Variants in TAFA2 observed in about 807,000 individuals in gnomAD.
TAFA2 encodes the protein chemokine-like protein TAFA-2.
A neutral mutation model predicts 18.8 loss-of-function variants in TAFA2; 7 were observed. The ratio of observed to expected loss-of-function variants is 0.37; its 90% CI spans 0.21 to 0.70. The LOEUF (loss-of-function observed/expected upper bound fraction) is 0.70, where lower values mean the gene tolerates loss of function less well. TAFA2 is among the 30% of genes least tolerant of loss of function. The pLI, the probability that TAFA2 is intolerant of heterozygous loss-of-function variation, is 0.53. For missense variants in TAFA2, 122 were observed against 158.1 expected (o/e 0.77, Z 1.23); for synonymous variants, 60 against 54.2 (o/e 1.11, Z -0.47).
At chr12:62,035,269 G>A (rs1440984910) in intron 1 of TAFA2, among the ~76,000 whole-genome samples, 2 of 152,204 alleles carry the variant, frequency 1.3e-5, no homozygotes, top group Non-Finnish European at 2.9e-5. Context: ...GAACCACAGT[G>A]AATAGGACCT....
chr12:61,886,409 C>G (rs867160887), intron 1 of TAFA2, among the ~76,000 whole-genome samples: 1 of 152,166 alleles, frequency 6.6e-6, no homozygotes, highest in Non-Finnish European at 1.5e-5. Context: ...AATGCTGCTC[C>G]TGAAACTTAG....
chr12:62,134,603 A>G (rs776517233), intron 1 of TAFA2, among the ~76,000 whole-genome samples: 9 of 152,054 alleles, frequency 5.9e-5, no homozygotes, highest in East Asian at 3.9e-4. Flanking sequence ...ATAGATATCA[A>G]TAGCACTTGT....
At position 62,067,194 on chromosome 12, in the gene TAFA2, T is replaced by C. The variant is rs149653204; in HGVS notation, c.-2+124065A>G. On this transcript the variant is annotated intron_variant, in intron 1 of 4. Transcript: ENST00000416284. ...TTTTCCTATAGAGTTGTTTGAGCTA[T>C]TTATGTATTCTGGTTATTAATCCCT... 1.4e-3 allele frequency among the ~76,000 whole-genome samples: 218 copies of C among 152,080 alleles called. 1 individual carries two copies. The East Asian group carries it at 0.039, about 27-fold the overall frequency.
At chr12:61,765,644 C>T (rs528680128) in intron 2 of TAFA2, among the ~76,000 whole-genome samples, 1 of 152,028 alleles carries the variant, frequency 6.6e-6, no homozygotes, top group South Asian at 2.1e-4. Context: ...TGTGATATTA[C>T]CTACCATTAA....
intron 1 of TAFA2, among the ~76,000 whole-genome samples, chr12:62,157,399 A>T (rs17125956): frequency 0.01 from 1,547 of 152,330 alleles, 24 homozygotes; most frequent in African/African-American, 0.036. Context: ...ATTGAATACC[A>T]AAGCACACAT....
At chr12:62,090,754 A>G (rs1394567623) in intron 1 of TAFA2, among the ~76,000 whole-genome samples, 1 of 152,060 alleles carries the variant, frequency 6.6e-6, no homozygotes, top group Non-Finnish European at 1.5e-5. Flanking sequence ...TTCATTTTCC[A>G]TGGAAAATAT....
intron 1 of TAFA2, among the ~76,000 whole-genome samples, chr12:62,099,341 C>G (rs2136846371): frequency 6.6e-6 from 1 of 152,242 alleles, no homozygotes; most frequent in Non-Finnish European, 1.5e-5. Flanking sequence ...AAAATGTGAT[C>G]AGTCTTCTTA....
At chr12:61,989,378 C>T (rs962384609) in intron 1 of TAFA2, among the ~76,000 whole-genome samples, 1 of 151,150 alleles carries the variant, frequency 6.6e-6, no homozygotes, top group South Asian at 2.1e-4. Flanking sequence ...CTGGTCCCCC[C>T]CACTTACTCC....
At chr12:61,806,967 T>A (rs1418258211) in intron 2 of TAFA2, among the ~76,000 whole-genome samples, 1 of 152,206 alleles carries the variant, frequency 6.6e-6, no homozygotes, top group Non-Finnish European at 1.5e-5. Flanking sequence ...GCAAAATTTG[T>A]AGCCTGATAA....
intron 1 of TAFA2, among the ~76,000 whole-genome samples, chr12:62,014,397 G>A (rs962911685): frequency 6.6e-6 from 1 of 152,196 alleles, no homozygotes; most frequent in Non-Finnish European, 1.5e-5. Context: ...GGGAGGCCAA[G>A]GCGGGCGAAT....
intron 1 of TAFA2, among the ~76,000 whole-genome samples, chr12:61,981,217 C>T (rs1054533223): frequency 6.6e-6 from 1 of 152,134 alleles, no homozygotes; most frequent in East Asian, 1.9e-4. Flanking sequence ...GGAAAGGATT[C>T]CCTATTTAAT....
At chr12:62,259,907 C>T (rs184133130), upstream of TAFA2, 425 of 162,754 alleles carry the variant, frequency 2.6e-3, no homozygotes, top group African/African-American at 9.5e-3. Context: ...ATTCACCGAG[C>T]TTGGGTTCTC....
chr12:62,187,623 G>C (rs2062595277), intron 1 of TAFA2, among the ~76,000 whole-genome samples: 1 of 152,118 alleles, frequency 6.6e-6, no homozygotes, highest in Admixed American at 6.6e-5. Flanking sequence ...TAAAATTTCT[G>C]TAAGATTAAG....
At chr12:61,782,672 C>T (rs1411727172) in intron 2 of TAFA2, among the ~76,000 whole-genome samples, 1 of 151,676 alleles carries the variant, frequency 6.6e-6, no homozygotes, top group Non-Finnish European at 1.5e-5. Context: ...CAGAGTTTGA[C>T]TCTTTTCATT....
chr12:62,080,745 A>T (rs1283587410), intron 1 of TAFA2, among the ~76,000 whole-genome samples: 1 of 152,202 alleles, frequency 6.6e-6, no homozygotes, highest in Non-Finnish European at 1.5e-5. Context: ...TCATAAATAA[A>T]ATATTTATAT....
chr12:61,866,518 T>C (rs1874362165), intron 2 of TAFA2, among the ~76,000 whole-genome samples: 1 of 152,200 alleles, frequency 6.6e-6, no homozygotes, highest in Non-Finnish European at 1.5e-5. Context: ...TCTCAGGTTA[T>C]GAATACTTAA....
At chr12:62,007,642 C>A (rs1347236514) in intron 1 of TAFA2, among the ~76,000 whole-genome samples, 1 of 152,072 alleles carries the variant, frequency 6.6e-6, no homozygotes, top group Non-Finnish European at 1.5e-5. Flanking sequence ...AAAACAGACC[C>A]CATCTTCTTT....
chr12:61,717,172 T>A (rs1000131131), intron 4 of TAFA2, among the ~76,000 whole-genome samples: 15 of 152,070 alleles, frequency 9.9e-5, no homozygotes, highest in African/African-American at 3.6e-4. Context: ...TCATTTAAGC[T>A]TGAGAAAAGC....
At chr12:62,141,996 C>T (rs1261111165) in intron 1 of TAFA2, among the ~76,000 whole-genome samples, 1 of 152,154 alleles carries the variant, frequency 6.6e-6, no homozygotes, top group East Asian at 1.9e-4. Flanking sequence ...GTATTGAGTG[C>T]CCACTAATGC....
Sources: gnomAD v4.1 joint callset for allele counts (sites outside exome capture counted in the v4.1 genomes callset) on GRCh38, gnomAD v4.1.1 for gene constraint, MANE v1.5 for transcripts, NCBI Gene and HGNC (gene_info 2026-07-23, HGNC 2026-07-21) for gene names.